Variants in FASTKD3 observed in about 807,000 individuals in gnomAD.
FASTKD3 encodes FAST kinase domain-containing protein 3, mitochondrial.
A neutral mutation model predicts 49.7 loss-of-function variants in FASTKD3; 47 were observed. The observed-to-expected ratio is 0.95, with a 90% CI of 0.75 to 1.21. The LOEUF (loss-of-function observed/expected upper bound fraction) is 1.21, where lower values mean the gene tolerates loss of function less well. FASTKD3 is among the 50% of genes most tolerant of loss of function. The pLI is 0.00. For synonymous variants in FASTKD3, 284 were observed against 288.6 expected (o/e 0.98, Z 0.16); for missense variants, 748 against 765.7 (o/e 0.98, Z 0.27).
In FASTKD3 at chr5:7,865,985, T is replaced by C; in HGVS notation, c.1439-2A>G. The C allele has an allele frequency of 1.2e-6, 2 of 1,612,810 alleles. No homozygotes were observed. The highest frequency in any genetic ancestry group is 1.7e-6 in the Non-Finnish European group (2 of 1,179,032). Reference sequence around the variant, plus strand: ...ATGTGTCCAAATGAGATTCTTTACCTGAAACAGAAAGCATCCCAGTCATAG... The same window carrying C: ...ATGTGTCCAAATGAGATTCTTTACCCGAAACAGAAAGCATCCCAGTCATAG... On this transcript the variant is annotated splice_acceptor_variant, in intron 2 of 6. Transcript: ENST00000264669. LOFTEE classifies it high-confidence loss of function.
chr5:7,868,200 G>GAAAAAAAAAAAAAAAAAAAAAAA lies in FASTKD3; in HGVS notation c.-113-27_-113-5dup, dbSNP rs34274545. On this transcript the variant is annotated splice_region_variant and splice_polypyrimidine_tract_variant and intron_variant, in intron 1 of 6. Coordinates refer to ENST00000264669, the MANE Select transcript of FASTKD3 (RefSeq NM_024091.4). ...TTATGAAACTACAAACGAGTATCTG[G>GAAAAAAAAAAAAAAAAAAAAAAA]AAAAAAAAAAAAAAAAAAAAAAAGG... is the stretch of plus-strand genomic sequence containing the variant. The GAAAAAAAAAAAAAAAAAAAAAAA allele has an allele frequency of 4.9e-6, 1 of 204,566 alleles. No individual in the cohort carries two copies. The highest frequency in any genetic ancestry group is 6.6e-5 in the Admixed American group (1 of 15,242). 12.7% of individuals were successfully genotyped at this position (204,566 alleles called of 1,614,324 possible).
Position 7,861,594 on chromosome 5 carries a change from A to G in FASTKD3, c.1758T>C (p.Asp586=), listed in dbSNP as rs1429954981. 6.3e-7 allele frequency: 1 copy of G among 1,592,190 alleles called. No individual in the cohort carries two copies. The highest frequency in any genetic ancestry group is 1.3e-5 in the African/African-American group (1 of 74,220). The part of the protein sequence containing the change: ...GFVLPSTANE[D]IHKRIALCID... ...ACATTTTCCTGTACCTTTTATGGAT[A>G]TCTTCATTAGCTGTGGATGGCAATA... Residue 586 remains aspartate, a synonymous_variant, in exon 5 of 7, where the codon GAT becomes GAC. Transcript: ENST00000264669.
Position 7,868,049 on chromosome 5 carries a change from C to T in FASTKD3, c.35G>A (p.Arg12His), listed in dbSNP as rs754653963. The T allele has an allele frequency of 6.2e-7, 1 of 1,612,080 alleles. No homozygotes were observed. The highest frequency in any genetic ancestry group is 8.5e-7 in the Non-Finnish European group (1 of 1,179,462). ...TCTATGCATCTGAAAATCAGATAAACGATAAAGGTTCTTCCTCAAGGTGAT... is the reference window on the plus strand; with the variant it reads ...TCTATGCATCTGAAAATCAGATAAATGATAAAGGTTCTTCCTCAAGGTGAT... The part of the protein sequence containing the change: ...ALITLRKNLY[R>H]LSDFQMHRAL... Residue 12 changes from arginine (R) to histidine (H), a missense_variant, in exon 2 of 7, where the codon CGT becomes CAT. By Grantham distance (29) the Arg-to-His change is conservative. Transcript: ENST00000264669.
intron 5 of FASTKD3, 29 bp from the exon 6 acceptor site, chr5:7,861,292 T>A: frequency 7.9e-7 from 1 of 1,264,918 alleles, no homozygotes. Flanking sequence ...GAAAAATACT[T>A]AATTTTTTAA....
At position 7,866,803 on chromosome 5, in the gene FASTKD3, A is replaced by T. The variant is rs368966263; in HGVS notation, c.1281T>A (p.Ala427=). ...GCACGTTTTCCAGCTTTCTAAATAA[A>T]GCAGAGGCATTTGGTGGCAAATAAT... ...KLNYLPPNAS[A]LFRKLENVLF... The change falls in exon 2 of 7, where the codon GCT becomes GCA. Residue 427 remains alanine, a synonymous_variant. Coordinates refer to ENST00000264669, the MANE Select transcript of FASTKD3 (RefSeq NM_024091.4). The T allele has an allele frequency of 5.6e-6, 9 of 1,614,226 alleles. No individual in the cohort carries two copies. Among genetic ancestry groups the T allele is most frequent in the Middle Eastern group, 1.6e-4 (1 of 6,062 alleles).
In FASTKD3 at chr5:7,859,531, A is replaced by C; in HGVS notation, c.1893T>G (p.Tyr631Ter). The C allele has an allele frequency of 6.3e-7, 1 of 1,592,248 alleles. No homozygotes were observed. Among genetic ancestry groups the C allele is most frequent in the Non-Finnish European group, 8.6e-7 (1 of 1,166,722 alleles). Residue 631 changes from tyrosine to a stop codon, truncating the protein, a stop_gained, in exon 7 of 7, where the codon TAT becomes TAG. Transcript: ENST00000264669. LOFTEE classifies it low-confidence loss of function (END_TRUNC). ...LLGYQVVQIP[Y>*]HEIGMLKSRR... is the part of the protein sequence containing the mutation. The stretch of plus-strand genomic sequence containing the variant: ...TTGATTTTAGCATCCCAATCTCATG[A>C]TAGGGGATCTGTAAAGGTAGAAAAG...
At position 7,867,810 on chromosome 5, in the gene FASTKD3, G is replaced by T. The variant is rs1469128509; in HGVS notation, c.274C>A (p.Gln92Lys). Residue 92 changes from glutamine to lysine, a missense_variant, in exon 2 of 7, where the codon CAA becomes AAA. This residue lies in a region of FASTKD3 where 564 missense variants were observed against 562.8 expected (regional missense o/e 1.00). Transcript: ENST00000264669. ...TGACTCTCCTCATTTTTAACATTTT[G>T]TTCAAGCCTGTCGCAGTCAGATACT... ...SQVSDCDRLE[Q>K]NVKNEESQMF... 6.2e-7 allele frequency: 1 copy of T among 1,614,116 alleles called. No homozygotes were observed. Among genetic ancestry groups the T allele is most frequent in the Admixed American group, 1.7e-5 (1 of 60,016 alleles).
In FASTKD3 at chr5:7,867,525, G is replaced by C. The variant is rs1747072571; in HGVS notation, c.559C>G (p.Leu187Val). Residue 187 changes from leucine to valine, a missense_variant, in exon 2 of 7, where the codon CTG becomes GTG. Transcript: ENST00000264669. ...CTACTTTGAGGATCCACATGCAACA[G>C]AATCAGAGCTTGCAAAGCAGTCACT... The part of the protein sequence containing the change: ...SLVTALQALI[L>V]LHVDPQSSLL... The C allele has an allele frequency of 6.2e-7, 1 of 1,614,268 alleles. No individual in the cohort carries two copies. Among genetic ancestry groups the C allele is most frequent in the South Asian group, 1.1e-5 (1 of 91,090 alleles).
chr5:7,868,065 T>G lies in FASTKD3; in HGVS notation c.19A>C (p.Arg7=). ...TCAGATAAACGATAAAGGTTCTTCCTCAAGGTGATTAATGCCATACCATCA... is the reference window on the plus strand; with the variant it reads ...TCAGATAAACGATAAAGGTTCTTCCGCAAGGTGATTAATGCCATACCATCA... MALITL[R]KNLYRLSDFQ... The change falls in exon 2 of 7, where the codon AGG becomes CGG. Residue 7 remains arginine (R), a synonymous_variant. Transcript: ENST00000264669. 6.2e-7 allele frequency: 1 copy of G among 1,606,378 alleles called. No homozygotes were observed.
chr5:7,864,646 T>C (rs1239102594), intron 3 of FASTKD3, among the ~76,000 whole-genome samples: 1 of 152,306 alleles, frequency 6.6e-6, no homozygotes, highest in Non-Finnish European at 1.5e-5. Flanking sequence ...ATGCTAAACT[T>C]CATTAATGCT....
In FASTKD3 at chr5:7,867,416, T is replaced by C; in HGVS notation, c.668A>G (p.Glu223Gly). 1.9e-6 allele frequency: 3 copies of C among 1,614,168 alleles called. No homozygotes were observed. The highest frequency in any genetic ancestry group is 1.3e-5 in the African/African-American group (1 of 75,044). ...MEVRNLCILGESLITLHSSGC... is the reference protein window; with the variant it reads ...MEVRNLCILGGSLITLHSSGC... ...TGAACTGTGCAGTGTAATCAGACTT[T>C]CCCCAAGAATACAAAGATTGCGAAC... Residue 223 changes from glutamate (E) to glycine (G), a missense_variant, in exon 2 of 7, where the codon GAA becomes GGA. Glu to Gly is a moderately conservative substitution (Grantham distance 98, BLOSUM62 -2). Transcript: ENST00000264669.
At chr5:7,862,594 G>C (rs1049849380) in intron 4 of FASTKD3, among the ~76,000 whole-genome samples, 1 of 151,924 alleles carries the variant, frequency 6.6e-6, no homozygotes, top group Non-Finnish European at 1.5e-5. Context: ...AGCAGAAAAA[G>C]GTTAAATATT....
intron 1 of FASTKD3, among the ~76,000 whole-genome samples, chr5:7,868,739 C>T (rs1425644552): frequency 6.6e-6 from 1 of 152,168 alleles, no homozygotes; most frequent in East Asian, 1.9e-4. Context: ...GCGGCCAGTC[C>T]AGATCTAAAG....
At chr5:7,861,750 T>C in intron 4 of FASTKD3, 98 bp from the exon 5 acceptor site, 1 of 1,504,294 alleles carries the variant, frequency 6.6e-7, no homozygotes. Flanking sequence ...CCTTCCACCT[T>C]GCATTGATCA....
At position 7,859,401 on chromosome 5, in the gene FASTKD3, A is replaced by G; in HGVS notation, c.*34T>C. Reference sequence around the variant, plus strand: ...TAATACTGAGTTCCATAAAAATGCAAGTTCTTCCATTGTTTGAGTTCTGAA... The same window carrying G: ...TAATACTGAGTTCCATAAAAATGCAGGTTCTTCCATTGTTTGAGTTCTGAA... On this transcript the variant is annotated 3_prime_UTR_variant, in exon 7 of 7. Transcript: ENST00000264669. 7.3e-7 allele frequency: 1 copy of G among 1,371,940 alleles called. No individual in the cohort carries two copies. The highest frequency in any genetic ancestry group is 1.3e-5 in the South Asian group (1 of 77,680). The allele number at this position is 1,371,940 out of a possible 1,614,324, so 85.0% of individuals were successfully genotyped here.
intron 4 of FASTKD3, chr5:7,861,868 T>C: frequency 9.7e-7 from 1 of 1,025,782 alleles, no homozygotes; most frequent in Non-Finnish European, 1.3e-6. Flanking sequence ...GAAAGCTCAA[T>C]AACGCTAAAC....
At chr5:7,863,512 G>C (rs1015566803) in intron 3 of FASTKD3, among the ~76,000 whole-genome samples, 1 of 152,154 alleles carries the variant, frequency 6.6e-6, no homozygotes, top group African/African-American at 2.4e-5. Flanking sequence ...TTTTGAATTA[G>C]GGATGCTGAA....
At chr5:7,862,242 G>A (rs1185635911) in intron 4 of FASTKD3, among the ~76,000 whole-genome samples, 4 of 152,168 alleles carry the variant, frequency 2.6e-5, no homozygotes, top group Non-Finnish European at 2.9e-5. Flanking sequence ...TAGAAGAACT[G>A]TAAGGACGGA....
At position 7,859,182 on chromosome 5, in the gene FASTKD3, T is replaced by C. The variant is rs2126584900; in HGVS notation, c.*253A>G. ...AATACTTAAAAATAACATTTATTCA[T>C]TGAATTCCTTTACAGCACATGATCA... On this transcript the variant is annotated 3_prime_UTR_variant, in exon 7 of 7. Coordinates refer to ENST00000264669, the MANE Select transcript of FASTKD3 (RefSeq NM_024091.4). The C allele has an allele frequency of 4.0e-6, 1 of 251,378 alleles. No individual in the cohort carries two copies. Among genetic ancestry groups the C allele is most frequent in the Non-Finnish European group, 7.5e-6 (1 of 133,846 alleles). The allele number at this position is 251,378 out of a possible 1,614,324, so 15.6% of individuals were successfully genotyped here. A position where few individuals can be genotyped will look rare whatever the true frequency, so the allele number is the denominator to read the frequency against.
Sources: allele counts gnomAD v4.1 joint callset (sites outside exome capture counted in the v4.1 genomes callset), GRCh38; gene constraint gnomAD v4.1.1; regional missense constraint gnomAD v4.1.1; transcripts MANE v1.5; gene names NCBI Gene and HGNC (gene_info 2026-07-23, HGNC 2026-07-21).